Variants in APAF1 observed in about 807,000 individuals in gnomAD.
APAF1 encodes apoptotic protease-activating factor 1.
In APAF1, 91 loss-of-function variants were observed where a neutral mutation model predicts 152.4. The observed-to-expected ratio is 0.60, with a 90% CI of 0.50 to 0.71. APAF1 has a LOEUF of 0.71. APAF1 is among the 30% of genes least tolerant of loss of function. The pLI is 0.00. For synonymous variants in APAF1, 484 were observed against 494.1 expected (o/e 0.98, Z 0.27); for missense variants, 1,283 against 1,472.0 (o/e 0.87, Z 2.10).
intron 4 of APAF1, among the ~76,000 whole-genome samples, chr12:98,650,361 C>CT (rs1365226978): frequency 6.6e-6 from 1 of 152,010 alleles, no homozygotes; most frequent in Non-Finnish European, 1.5e-5. Flanking sequence ...TGGTGAGCAC[C>CT]TGTAATCCCA....
intron 1 of APAF1, 111 bp from the exon 2 acceptor site, chr12:98,648,208 C>T: frequency 9.0e-7 from 1 of 1,105,938 alleles, no homozygotes; most frequent in South Asian, 1.4e-5. Context: ...AAATTTTTGC[C>T]AAGGAAAAAA....
At chr12:98,650,502 G>GTTT (rs754633677) in intron 4 of APAF1, among the ~76,000 whole-genome samples, 1 of 140,304 alleles carries the variant, frequency 7.1e-6, no homozygotes, top group Non-Finnish European at 1.6e-5. Context: ...AAAGTTTTTT[G>GTTT]TTTTTTTTTT....
At chr12:98,702,415 G>C (rs1213137990) in intron 17 of APAF1, among the ~76,000 whole-genome samples, 1 of 151,994 alleles carries the variant, frequency 6.6e-6, no homozygotes, top group Non-Finnish European at 1.5e-5. Flanking sequence ...TTCTTTCTAA[G>C]GTCTATGTCT....
intron 5 of APAF1, 81 bp downstream of exon 5, chr12:98,659,424 G>A (rs2097661925): frequency 7.0e-7 from 1 of 1,418,738 alleles, no homozygotes; most frequent in African/African-American, 1.4e-5. Flanking sequence ...AGAACATCAT[G>A]CCTTTTTCCT....
intron 19 of APAF1, 84 bp downstream of exon 19, chr12:98,706,694 C>G: frequency 1.3e-6 from 2 of 1,502,098 alleles, no homozygotes; most frequent in Non-Finnish European, 1.8e-6. Context: ...ATGGGTAGCA[C>G]TGAGGTAAGC....
chr12:98,691,607 T>G (rs1404329741), intron 16 of APAF1, among the ~76,000 whole-genome samples: 3 of 152,198 alleles, frequency 2.0e-5, no homozygotes, highest in African/African-American at 7.2e-5. Context: ...TCAATTTTTT[T>G]TGTAGTCTAA....
chr12:98,709,561 C>T (rs1002888355), intron 20 of APAF1, among the ~76,000 whole-genome samples: 6 of 152,048 alleles, frequency 3.9e-5, no homozygotes, highest in Non-Finnish European at 8.8e-5. Flanking sequence ...GTGGTGATAG[C>T]GTTGTAGATA....
At chr12:98,703,613 G>A (rs1050457818) in intron 18 of APAF1, 114 bp downstream of exon 18, 1 of 1,359,472 alleles carries the variant, frequency 7.4e-7, no homozygotes, top group Non-Finnish European at 1.0e-6. Flanking sequence ...AAATTATAGA[G>A]TATTTTCTTT....
chr12:98,684,523 C>T (rs1224307943), intron 15 of APAF1, among the ~76,000 whole-genome samples: 1 of 125,550 alleles, frequency 8.0e-6, no homozygotes, highest in Non-Finnish European at 1.6e-5. Context: ...CCCTCTCATT[C>T]TCTCTCATTC....
At chr12:98,705,725 A>G (rs558785613) in intron 18 of APAF1, among the ~76,000 whole-genome samples, 2 of 152,344 alleles carry the variant, frequency 1.3e-5, no homozygotes, top group South Asian at 2.1e-4. Context: ...AAATGTGTAC[A>G]TGTTACAATT....
chr12:98,699,165 C>CT lies in APAF1; in HGVS notation c.2305-241dup, dbSNP rs769851844. On this transcript the variant is annotated intron_variant, in intron 16 of 26. Transcript: ENST00000551964. ...TTTAGCTTCCACACCATGCAAGACT[C>CT]TTAACTTTTTATTTAATTTTATGTT... Among the ~76,000 whole-genome samples, 26 of 152,182 alleles carry CT rather than the reference C, an allele frequency of 1.7e-4. 1 individual carries two copies. The highest frequency in any genetic ancestry group is 1.0e-3 in the Admixed American group (16 of 15,280).
intron 21 of APAF1, 181 bp downstream of exon 21, chr12:98,712,616 A>G: frequency 1.7e-6 from 1 of 576,714 alleles, no homozygotes; most frequent in South Asian, 2.0e-5. Context: ...TTCTGAGCTC[A>G]AGTGATTTTC....
At position 98,723,745 on chromosome 12, in the gene APAF1, C is replaced by G; in HGVS notation, c.3311C>G (p.Ser1104Cys). ...SHDATKFSST[S>C]ADKTAKIWSF... ...GATGCTACCAAGTTTTCATCTACCT[C>G]TGCTGACAAGACTGCAAAGGTAGGT... is the stretch of plus-strand genomic sequence containing the variant. The change falls in exon 24 of 27, where the codon TCT becomes TGT. Residue 1104 changes from serine to cysteine, a missense_variant. Coordinates refer to ENST00000551964, the MANE Select transcript of APAF1 (RefSeq NM_181861.2). 1 of 1,613,734 alleles carries G rather than the reference C, an allele frequency of 6.2e-7. No homozygotes were observed. The highest frequency in any genetic ancestry group is 8.5e-7 in the Non-Finnish European group (1 of 1,179,866).
In APAF1 at chr12:98,716,665, T is replaced by C. The variant is rs1031150731; in HGVS notation, c.3084+1113T>C. On this transcript the variant is annotated intron_variant, in intron 22 of 26. Coordinates refer to ENST00000551964, the MANE Select transcript of APAF1 (RefSeq NM_181861.2). Reference sequence around the variant, plus strand: ...TGTTGTTAGTTTTTATTCATTGTTTTGGATATTCAGTCTTCCTTTTCAATT... The same window carrying C: ...TGTTGTTAGTTTTTATTCATTGTTTCGGATATTCAGTCTTCCTTTTCAATT... Among the ~76,000 whole-genome samples the C allele has an allele frequency of 2.6e-5, 4 of 152,360 alleles. No individual in the cohort carries two copies. In the East Asian group the frequency reaches 7.7e-4, roughly 29 times the overall value.
At chr12:98,726,352 T>C (rs1436327227) in intron 25 of APAF1, 1 of 152,364 alleles carries the variant, frequency 6.6e-6, no homozygotes, top group Non-Finnish European at 1.5e-5. Flanking sequence ...GGGAGCCGAT[T>C]GGAAAAGTTT....
At chr12:98,654,580 G>C (rs1363903383) in intron 4 of APAF1, among the ~76,000 whole-genome samples, 5 of 151,872 alleles carry the variant, frequency 3.3e-5, no homozygotes, top group Admixed American at 3.3e-4. Context: ...GCTAATTTTT[G>C]TATTTTTAGT....
At position 98,703,400 on chromosome 12, in the gene APAF1, G is replaced by A. The variant is rs369768631; in HGVS notation, c.2496G>A (p.Leu832=). ...TTGACATTCATACTAGTGGCCTATT[G>A]GGAGAAATCCACACGGGCCATCACA... ...FLFDIHTSGL[L]GEIHTGHHST... Residue 832 remains leucine (L), a synonymous_variant, in exon 18 of 27, where the codon TTG becomes TTA. Transcript: ENST00000551964. The A allele has an allele frequency of 2.5e-6, 4 of 1,614,042 alleles. No individual in the cohort carries two copies. The highest frequency in any genetic ancestry group is 1.1e-5 in the South Asian group (1 of 91,082).
chr12:98,690,013 T>G (rs2097702523), intron 16 of APAF1, among the ~76,000 whole-genome samples: 2 of 152,234 alleles, frequency 1.3e-5, no homozygotes, highest in Admixed American at 1.3e-4. Flanking sequence ...AGTACAGAAT[T>G]GTACTCAAGT....
rs1199884610 is a variant in APAF1, at chr12:98,732,477, C to T, written c.3658C>T (p.Leu1220Phe). Reference sequence around the variant, plus strand: ...GACCTTCTACACAAATGGAACCAATCTTAAGAAAATACACGTGTCCCCTGA... The same window carrying T: ...GACCTTCTACACAAATGGAACCAATTTTAAGAAAATACACGTGTCCCCTGA... ...SQTFYTNGTN[L>F]KKIHVSPDFK... The change falls in exon 27 of 27, where the codon CTT becomes TTT. Residue 1220 changes from leucine (L) to phenylalanine (F), a missense_variant. By Grantham distance (22) the Leu-to-Phe change is conservative. Coordinates refer to ENST00000551964, the MANE Select transcript of APAF1 (RefSeq NM_181861.2). 6.2e-7 allele frequency: 1 copy of T among 1,608,804 alleles called. No individual in the cohort carries two copies. The highest frequency in any genetic ancestry group is 8.5e-7 in the Non-Finnish European group (1 of 1,175,310).
Sources: gnomAD v4.1 joint callset for allele counts (sites outside exome capture counted in the v4.1 genomes callset) on GRCh38, gnomAD v4.1.1 for gene constraint, MANE v1.5 for transcripts, NCBI Gene and HGNC (gene_info 2026-07-23, HGNC 2026-07-21) for gene names.